Variants in LRBA observed in about 807,000 individuals in gnomAD.
LRBA encodes LPS responsive beige-like anchor protein.
In LRBA, 176 loss-of-function variants were observed where a neutral mutation model predicts 330.0. The ratio of observed to expected loss-of-function variants is 0.53; its 90% CI spans 0.47 to 0.60. The LOEUF (loss-of-function observed/expected upper bound fraction) is 0.60. LRBA is among the 20% of genes least tolerant of loss of function. The probability of loss-of-function intolerance (pLI) is 0.00; values close to 1 mark genes in which losing one functional copy is unlikely to be tolerated. For missense variants in LRBA, 3,259 were observed against 3,444.8 expected, an observed-to-expected ratio of 0.95 and a Z score of 1.35; for synonymous variants, 1,230 against 1,193.0, an observed-to-expected ratio of 1.03 and a Z score of -0.64.
At chr4:150,639,863 ATATATATAT>A (rs1778492880) in intron 37 of LRBA, among the ~76,000 whole-genome samples, 2 of 83,026 alleles carry the variant, frequency 2.4e-5, no homozygotes, top group African/African-American at 4.5e-5. Flanking sequence ...ATATATATAT[ATATATATAT>A]TTAGATGGAG....
At chr4:150,578,469 G>C (rs1157865172) in intron 40 of LRBA, among the ~76,000 whole-genome samples, 1 of 151,852 alleles carries the variant, frequency 6.6e-6, no homozygotes, top group Non-Finnish European at 1.5e-5. Context: ...ACTCATAAAG[G>C]TTTCGGTGAA....
At chr4:150,593,665 A>C (rs1360607812) in intron 38 of LRBA, among the ~76,000 whole-genome samples, 1 of 152,180 alleles carries the variant, frequency 6.6e-6, no homozygotes. Flanking sequence ...AAGAACAAAA[A>C]ATATTCATTT....
intron 2 of LRBA, among the ~76,000 whole-genome samples, chr4:151,009,012 TATATATATATATATAA>T (rs796727775): frequency 0.01 from 386 of 37,176 alleles, 78 homozygotes; most frequent in African/African-American, 0.029. Context: ...TATATATATA[TATATATATATATATAA>T]AATGGTATTT....
At chr4:150,733,380 C>A (rs1314020559) in intron 36 of LRBA, among the ~76,000 whole-genome samples, 1 of 151,922 alleles carries the variant, frequency 6.6e-6, no homozygotes, top group Non-Finnish European at 1.5e-5. Flanking sequence ...AGAAGGGAAT[C>A]CTGACTTTAA....
At chr4:151,003,042 TTGCG>T (rs1180299747) in intron 2 of LRBA, among the ~76,000 whole-genome samples, 1 of 72,114 alleles carries the variant, frequency 1.4e-5, no homozygotes, top group East Asian at 3.5e-4. Context: ...GTGTATGTGT[TTGCG>T]TGTGTGTGTG....
intron 47 of LRBA, among the ~76,000 whole-genome samples, chr4:150,402,889 G>GTGGC (rs10655567): frequency 0.023 from 3,446 of 152,090 alleles, 125 homozygotes; most frequent in African/African-American, 0.077. Context: ...GGATAAGCAT[G>GTGGC]TGGCAATCCT....
intron 8 of LRBA, among the ~76,000 whole-genome samples, chr4:150,914,596 G>A (rs748110065): frequency 6.6e-6 from 1 of 152,092 alleles, no homozygotes; most frequent in Non-Finnish European, 1.5e-5. Flanking sequence ...CTATGCCACT[G>A]AGTATGGCAA....
chr4:150,352,326 T>A (rs1737288116), intron 47 of LRBA, among the ~76,000 whole-genome samples: 1 of 152,182 alleles, frequency 6.6e-6, no homozygotes, highest in Non-Finnish European at 1.5e-5. Flanking sequence ...TAAGTGCCTA[T>A]GAAAAAGAAA....
At chr4:150,959,850 AAT>A (rs1737945392) in intron 2 of LRBA, among the ~76,000 whole-genome samples, 1 of 146,162 alleles carries the variant, frequency 6.8e-6, no homozygotes, top group South Asian at 2.1e-4. Flanking sequence ...ATACACAAAG[AAT>A]ATATTTATAA....
intron 40 of LRBA, chr4:150,581,472 C>T: frequency 3.4e-6 from 1 of 297,268 alleles, no homozygotes; most frequent in East Asian, 9.3e-5. Context: ...CCTTTCGCTT[C>T]CCATTTGCCT....
chr4:150,639,312 T>C (rs1200686624), intron 37 of LRBA, among the ~76,000 whole-genome samples: 2 of 125,498 alleles, frequency 1.6e-5, no homozygotes, highest in Non-Finnish European at 3.2e-5. Context: ...TATACATATG[T>C]AACTAACCTG....
At chr4:150,781,417 C>A (rs980196196) in intron 34 of LRBA, among the ~76,000 whole-genome samples, 1 of 152,132 alleles carries the variant, frequency 6.6e-6, no homozygotes. Flanking sequence ...ATTCTAATGC[C>A]GCTGCTGATC....
intron 40 of LRBA, chr4:150,584,217 C>T (rs1771796086): frequency 7.9e-7 from 1 of 1,269,310 alleles, no homozygotes; most frequent in Non-Finnish European, 1.0e-6. Flanking sequence ...TGTAAGTCAC[C>T]TGAAATAGGA....
At chr4:150,896,794 A>G (rs1730131702) in intron 15 of LRBA, among the ~76,000 whole-genome samples, 1 of 152,068 alleles carries the variant, frequency 6.6e-6, no homozygotes, top group African/African-American at 2.4e-5. Flanking sequence ...AATACAGAAG[A>G]CATCTTTTCG....
intron 44 of LRBA, among the ~76,000 whole-genome samples, chr4:150,439,686 T>C (rs2152001507): frequency 6.6e-6 from 1 of 152,312 alleles, no homozygotes; most frequent in Non-Finnish European, 1.5e-5. Context: ...CTACATATTG[T>C]TTACTGCTAT....
intron 7 of LRBA, 100 bp downstream of exon 7, chr4:150,916,301 T>C (rs961658696): frequency 1.7e-6 from 2 of 1,189,692 alleles, no homozygotes. Flanking sequence ...AAAAACGAAG[T>C]TGTGCTTTAG....
chr4:150,447,857 C>T lies in LRBA; in HGVS notation c.6781-10993G>A, dbSNP rs1402397172. ...GATGGCAAAACTATGGTTCCACCAT[C>T]CACACTCCTTTTCCCAAATGAGGCA... On this transcript the variant is annotated intron_variant, in intron 44 of 56. Coordinates refer to ENST00000651943, the MANE Select transcript of LRBA (RefSeq NM_001364905.1). Among the ~76,000 whole-genome samples the T allele has an allele frequency of 2.6e-5, 4 of 152,304 alleles. No individual in the cohort carries two copies. The South Asian group carries it at 6.2e-4, about 24-fold the overall frequency.
chr4:150,302,726 T>C lies in LRBA; in HGVS notation c.7916A>G (p.Tyr2639Cys), dbSNP rs765409684. 1 of 1,612,118 alleles carries C rather than the reference T, an allele frequency of 6.2e-7. No homozygotes were observed. Among genetic ancestry groups the C allele is most frequent in the Non-Finnish European group, 8.5e-7 (1 of 1,178,876 alleles). The stretch of plus-strand genomic sequence containing the variant: ...GAGAATGTAGCAATTTCCCCCAATA[T>C]ATGACTCAGAACGAGCAAGGCAAGT... ...VVTCLARSESYIGGNCYILSG... is the reference protein window; with the variant it reads ...VVTCLARSESCIGGNCYILSG... The change falls in exon 53 of 57, where the codon TAT (tyrosine) becomes TGT (cysteine). Residue 2639 changes from tyrosine (Y) to cysteine (C), a missense_variant. By Grantham distance (194) the Tyr-to-Cys change is radical (BLOSUM62 -2). Coordinates refer to ENST00000651943, the MANE Select transcript of LRBA (RefSeq NM_001364905.1).
intron 38 of LRBA, among the ~76,000 whole-genome samples, chr4:150,595,998 C>A (rs1415681359): frequency 1.3e-5 from 2 of 151,876 alleles, no homozygotes; most frequent in East Asian, 3.8e-4. Flanking sequence ...TGCTAATTTC[C>A]ATAAAGAATA....
Sources: allele counts gnomAD v4.1 joint callset (sites outside exome capture counted in the v4.1 genomes callset), GRCh38; gene constraint gnomAD v4.1.1; transcripts MANE v1.5; gene names NCBI Gene and HGNC (gene_info 2026-07-23, HGNC 2026-07-21).